NOL10: variants seen among roughly 807,000 people sequenced by gnomAD.
The protein encoded by NOL10 is nucleolar protein 10.
Under a neutral mutation model 103.5 loss-of-function variants are expected in NOL10, and 58 were observed. That is an observed-to-expected ratio of 0.56 (90% confidence interval 0.45 to 0.70). The LOEUF is 0.70. Ranked by LOEUF, NOL10 falls within the 30% of genes least tolerant of loss-of-function variation. The probability of loss-of-function intolerance (pLI) is 0.00; values close to 1 mark genes in which losing one functional copy is unlikely to be tolerated. For synonymous variants in NOL10, 287 were observed against 282.5 expected (o/e 1.02, Z -0.16); for missense variants, 763 against 807.3 (o/e 0.95, Z 0.67).
At chr2:10,598,323 C>T (rs7582775) in intron 17 of NOL10, among the ~76,000 whole-genome samples, 90,011 of 152,094 alleles carry the variant, frequency 0.59, 27,652 homozygotes, top group African/African-American at 0.74. Flanking sequence ...ATTGCTTCTT[C>T]AGATACCGAA....
chr2:10,590,370 A>T (rs1675331210), intron 17 of NOL10, among the ~76,000 whole-genome samples: 1 of 152,224 alleles, frequency 6.6e-6, no homozygotes, highest in Non-Finnish European at 1.5e-5. Context: ...GGCCTCCCAT[A>T]GTACTGGGAT....
intron 19 of NOL10, among the ~76,000 whole-genome samples, chr2:10,577,985 G>A (rs558670752): frequency 6.6e-6 from 1 of 152,212 alleles, no homozygotes; most frequent in South Asian, 2.1e-4. Context: ...TTAAGTGGCA[G>A]GACCAAACAC....
intron 19 of NOL10, among the ~76,000 whole-genome samples, chr2:10,586,590 C>T (rs1675031443): frequency 7.2e-6 from 1 of 138,842 alleles, no homozygotes; most frequent in South Asian, 2.1e-4. Flanking sequence ...AAGTTAACAC[C>T]ATTACTCGCC....
At chr2:10,624,810 G>C (rs1677358853) in intron 13 of NOL10, among the ~76,000 whole-genome samples, 1 of 152,112 alleles carries the variant, frequency 6.6e-6, no homozygotes, top group Non-Finnish European at 1.5e-5. Flanking sequence ...GTGCACATAA[G>C]AACCTACACG....
chr2:10,588,334 G>C (rs779473040), intron 19 of NOL10, among the ~76,000 whole-genome samples: 1 of 152,088 alleles, frequency 6.6e-6, no homozygotes, highest in South Asian at 2.1e-4. Flanking sequence ...ACTATTTCCA[G>C]AACATTTTCA....
At chr2:10,590,028 T>G (rs1365073024) in intron 17 of NOL10, among the ~76,000 whole-genome samples, 1 of 152,190 alleles carries the variant, frequency 6.6e-6, no homozygotes, top group African/African-American at 2.4e-5. Flanking sequence ...GCTAACTTTA[T>G]GCTTAACAGA....
Position 10,571,950 on chromosome 2 carries a change from G to A in NOL10, c.*121C>T, listed in dbSNP as rs1166321729. 2 of 1,213,682 alleles carry A rather than the reference G, an allele frequency of 1.6e-6. No homozygotes were observed. The highest frequency in any genetic ancestry group is 2.3e-6 in the Non-Finnish European group (2 of 860,312). 75.2% of individuals were successfully genotyped at this position (1,213,682 alleles called of 1,614,324 possible). ...CAGGTTTTCAAATCTTTACCTCTGT[G>A]TACAAGAACGTACATGAACTTTAAA... On this transcript the variant is annotated 3_prime_UTR_variant, in exon 21 of 21. Transcript: ENST00000381685.
chr2:10,601,935 A>G (rs1412301277), intron 16 of NOL10, among the ~76,000 whole-genome samples: 1 of 152,254 alleles, frequency 6.6e-6, no homozygotes, highest in African/African-American at 2.4e-5. Flanking sequence ...TCAGTTATAC[A>G]CATTGGTATC....
In NOL10 at chr2:10,587,058, T is replaced by TATATAC. The variant is rs1675066791; in HGVS notation, c.1844+1984_1844+1985insGTATAT. 9.7e-5 allele frequency among the ~76,000 whole-genome samples: 4 copies of TATATAC among 41,340 alleles called. 1 individual carries two copies. Among genetic ancestry groups the TATATAC allele is most frequent in the African/African-American group, 2.6e-4 (3 of 11,514 alleles). 27.1% of individuals were successfully genotyped at this position (41,340 alleles called of 152,430 possible). ...AAAGTTAAATGTATATATATATACA[T>TATATAC]ATATATATACATATATATACATATA... On this transcript the variant is annotated intron_variant, in intron 19 of 20. Coordinates refer to ENST00000381685, the MANE Select transcript of NOL10 (RefSeq NM_024894.4).
intron 13 of NOL10, among the ~76,000 whole-genome samples, chr2:10,625,021 G>A (rs1677371941): frequency 6.6e-6 from 1 of 152,174 alleles, no homozygotes; most frequent in African/African-American, 2.4e-5. Context: ...AAGCCAATCT[G>A]AAAAGCCTAC....
chr2:10,580,413 C>T (rs1674685959), intron 19 of NOL10, among the ~76,000 whole-genome samples: 1 of 141,430 alleles, frequency 7.1e-6, no homozygotes, highest in East Asian at 2.4e-4. Flanking sequence ...CTAGGCTTTA[C>T]TTTAGGTCTG....
At position 10,673,409 on chromosome 2, in the gene NOL10, A is replaced by G. The variant is rs147818324; in HGVS notation, c.327+111T>C. On this transcript the variant is annotated intron_variant, in intron 5 of 20. Coordinates refer to ENST00000381685, the MANE Select transcript of NOL10 (RefSeq NM_024894.4). ...TTTTTGTTTAACAATAGAACTACAC[A>G]GCCATTTTAGTTTAACAATAAAAAT... 2.8e-3 allele frequency: 1,706 copies of G among 614,846 alleles called. 27 individuals are homozygous for G. In the African/African-American group the frequency reaches 0.029, roughly 11 times the overall value. 38.1% of individuals were successfully genotyped at this position (614,846 alleles called of 1,614,324 possible).
chr2:10,627,708 AC>A (rs1677567943), intron 13 of NOL10, among the ~76,000 whole-genome samples: 1 of 151,056 alleles, frequency 6.6e-6, no homozygotes, highest in Non-Finnish European at 1.5e-5. Context: ...ACAAAAAAAA[AC>A]AAACAACAAC....
chr2:10,607,392 T>A, intron 13 of NOL10, 81 bp from the exon 14 acceptor site: 2 of 1,416,814 alleles, frequency 1.4e-6, no homozygotes, highest in Non-Finnish European at 1.9e-6. Context: ...CCAGATTTTG[T>A]TAAACATGAT....
intron 13 of NOL10, among the ~76,000 whole-genome samples, chr2:10,634,943 G>A (rs1678102113): frequency 6.6e-6 from 1 of 152,182 alleles, no homozygotes; most frequent in African/African-American, 2.4e-5. Flanking sequence ...GAGGATGACT[G>A]TACACGTCTG....
chr2:10,650,504 C>T (rs759097659), intron 12 of NOL10, among the ~76,000 whole-genome samples: 1 of 152,090 alleles, frequency 6.6e-6, no homozygotes, highest in Non-Finnish European at 1.5e-5. Flanking sequence ...GGGCGTTTTT[C>T]CCAGAGAGAA....
At chr2:10,663,526 G>A (rs1323038088) in intron 8 of NOL10, among the ~76,000 whole-genome samples, 1 of 151,740 alleles carries the variant, frequency 6.6e-6, no homozygotes, top group Admixed American at 6.6e-5. Context: ...TTTTCAAAAG[G>A]TTCAAAAAAC....
chr2:10,592,316 G>A (rs773465743), intron 17 of NOL10, among the ~76,000 whole-genome samples: 5 of 152,150 alleles, frequency 3.3e-5, no homozygotes, highest in Non-Finnish European at 5.9e-5. Flanking sequence ...GAAAGCTGGC[G>A]ACACTGAGTT....
chr2:10,689,287 A>G (rs756600921), intron 1 of NOL10, among the ~76,000 whole-genome samples: 28 of 152,322 alleles, frequency 1.8e-4, no homozygotes, highest in Non-Finnish European at 3.5e-4. Context: ...TAAGACTAGG[A>G]ATCAGGTTAA....
Sources: allele counts gnomAD v4.1 joint callset (sites outside exome capture counted in the v4.1 genomes callset), GRCh38; gene constraint gnomAD v4.1.1; transcripts MANE v1.5; gene names NCBI Gene and HGNC (gene_info 2026-07-23, HGNC 2026-07-21).